XPO1: variants seen among roughly 807,000 people sequenced by gnomAD.
XPO1 encodes the protein exportin 1.
In XPO1, 5 loss-of-function variants were observed where a neutral mutation model predicts 133.3. That is an observed-to-expected ratio of 0.04 (90% confidence interval 0.02 to 0.08). XPO1 has a LOEUF of 0.08. Among genes scored for constraint, XPO1 ranks in the 10% least tolerant of loss-of-function variants. The pLI is 1.00. For synonymous variants in XPO1, 419 were observed against 408.2 expected, an observed-to-expected ratio of 1.03 and a Z score of -0.32; for missense variants, 506 against 1,267.5, an observed-to-expected ratio of 0.40 and a Z score of 9.12.
Position 61,490,419 on chromosome 2 carries a change from G to A in XPO1, c.2022+223C>T, listed in dbSNP as rs369233779. 7.3e-5 allele frequency among the ~76,000 whole-genome samples: 11 copies of A among 150,408 alleles called. No homozygotes were observed. The East Asian group carries it at 1.2e-3, about 16-fold the overall frequency. On this transcript the variant is annotated intron_variant, in intron 17 of 24. Transcript: ENST00000401558. ...TTGCCATGTTGGCCAGGCTGATCTC[G>A]AACTTCTGGCCTCAGGTGATCCGCC...
At chr2:61,531,360 C>CA (rs941136149) in intron 2 of XPO1, among the ~76,000 whole-genome samples, 2 of 152,064 alleles carry the variant, frequency 1.3e-5, no homozygotes, top group African/African-American at 4.8e-5. Context: ...TCCTTACAAA[C>CA]AAAAAAATTT....
intron 2 of XPO1, among the ~76,000 whole-genome samples, chr2:61,528,698 A>G (rs571886778): frequency 1.4e-5 from 2 of 142,608 alleles, no homozygotes; most frequent in South Asian, 4.4e-4. Flanking sequence ...TTTTCATTTG[A>G]CAGTTTTTAA....
At chr2:61,491,492 ACACAC>A (rs1696990412) in intron 16 of XPO1, among the ~76,000 whole-genome samples, 1 of 128,214 alleles carries the variant, frequency 7.8e-6, no homozygotes, top group African/African-American at 2.7e-5. Context: ...ACACACACAC[ACACAC>A]CCCAAAACAA....
At chr2:61,520,384 T>C (rs1283879268) in intron 4 of XPO1, among the ~76,000 whole-genome samples, 1 of 152,130 alleles carries the variant, frequency 6.6e-6, no homozygotes, top group Non-Finnish European at 1.5e-5. Context: ...TGGTGGCTCA[T>C]GCTTACAATC....
chr2:61,534,366 TA>T (rs1462542601), intron 1 of XPO1: 1 of 152,372 alleles, frequency 6.6e-6, no homozygotes, highest in Non-Finnish European at 1.5e-5. Context: ...CACATTATCT[TA>T]ACTTTATAAA....
At chr2:61,495,414 G>T (rs772597708) in intron 11 of XPO1, 41 bp downstream of exon 11, 8 of 1,470,056 alleles carry the variant, frequency 5.4e-6, no homozygotes, top group Middle Eastern at 3.8e-4. Flanking sequence ...TTATTAGTAG[G>T]CAGAGCAGAA....
At chr2:61,526,197 C>A in intron 3 of XPO1, 3 of 1,327,172 alleles carry the variant, frequency 2.3e-6, no homozygotes, top group Non-Finnish European at 2.9e-6. Flanking sequence ...ATCAGACAAC[C>A]AAAAAAGCCA....
Position 61,537,684 on chromosome 2 carries a change from TAAA to T in XPO1, c.-132_-130del. 6.8e-6 allele frequency: 1 copy of T among 147,548 alleles called. No homozygotes were observed. The highest frequency in any genetic ancestry group is 2.0e-4 in the East Asian group (1 of 5,118). The allele number at this position is 147,548 out of a possible 1,614,324, so 9.1% of individuals were successfully genotyped here. A position where few individuals can be genotyped will look rare whatever the true frequency, so the allele number is the denominator to read the frequency against. Reference sequence around the variant, plus strand: ...GTTTTCCCACCTCAAAAAAGGAAATTAAAAAAACGGACAGGAAAAGGGCAAAAA... The same window carrying T: ...GTTTTCCCACCTCAAAAAAGGAAATTAAAACGGACAGGAAAAGGGCAAAAA... On this transcript the variant is annotated 5_prime_UTR_variant, in exon 1 of 25. Transcript: ENST00000401558.
intron 23 of XPO1, among the ~76,000 whole-genome samples, chr2:61,482,087 A>G (rs1420038738): frequency 6.4e-5 from 1 of 15,656 alleles, no homozygotes; most frequent in Non-Finnish European, 1.0e-4. Flanking sequence ...GTCTCACTCT[A>G]TCACCCAGGC....
chr2:61,488,634 T>C lies in XPO1; in HGVS notation c.2160A>G (p.Val720=), dbSNP rs1170159322. ...AAATATTTTCACTGAGGCACTTGTA[T>C]ACATTAAGCATATCTAAATAAATTC... is the stretch of plus-strand genomic sequence containing the variant. ...LGRIYLDMLN[V]YKCLSENISA... is the part of the protein sequence containing the mutation. Residue 720 remains valine (V), a synonymous_variant, in exon 18 of 25, where the codon GTA becomes GTG. Coordinates refer to ENST00000401558, the MANE Select transcript of XPO1 (RefSeq NM_003400.4). 1.2e-6 allele frequency: 2 copies of C among 1,613,512 alleles called. No individual in the cohort carries two copies. Among genetic ancestry groups the C allele is most frequent in the Admixed American group, 1.7e-5 (1 of 59,926 alleles).
At chr2:61,483,160 TATC>T in intron 21 of XPO1, 69 bp from the exon 22 acceptor site, 1 of 1,506,282 alleles carries the variant, frequency 6.6e-7, no homozygotes, top group Non-Finnish European at 8.9e-7. Flanking sequence ...ATTTAGCTCT[TATC>T]AAAGTATTCT....
At chr2:61,482,655 G>A (rs1340438718) in intron 22 of XPO1, 116 bp from the exon 23 acceptor site, 5 of 1,017,718 alleles carry the variant, frequency 4.9e-6, no homozygotes, top group Non-Finnish European at 6.9e-6. Flanking sequence ...ACCCAAGCTG[G>A]AATGCCGTGG....
chr2:61,505,316 A>C (rs531492933), intron 4 of XPO1, among the ~76,000 whole-genome samples: 1 of 152,334 alleles, frequency 6.6e-6, no homozygotes, highest in East Asian at 1.9e-4. Context: ...AAAAACAAAA[A>C]GTAGGAAATC....
Position 61,496,121 on chromosome 2 carries a change from T to C in XPO1, c.889-508A>G, listed in dbSNP as rs143536373. Among the ~76,000 whole-genome samples, 1,409 of 152,286 alleles carry C rather than the reference T, an allele frequency of 9.3e-3. 23 individuals carry two copies. Among genetic ancestry groups the C allele is most frequent in the African/African-American group, 0.032 (1,348 of 41,556 alleles). ...AAATTAAAGGCCGCTATCACAGCCT[T>C]TAAATTTTTCTAGTATTTCTCACTG... On this transcript the variant is annotated intron_variant, in intron 10 of 24. Coordinates refer to ENST00000401558, the MANE Select transcript of XPO1 (RefSeq NM_003400.4).
intron 11 of XPO1, among the ~76,000 whole-genome samples, chr2:61,495,143 G>A (rs1013553991): frequency 2.0e-5 from 3 of 151,978 alleles, no homozygotes; most frequent in African/African-American, 7.3e-5. Context: ...ATCTTTAAAT[G>A]AACAAATGCA....
At chr2:61,481,020 TG>T (rs1234006841) in intron 24 of XPO1, among the ~76,000 whole-genome samples, 164 bp downstream of exon 24, 2 of 152,364 alleles carry the variant, frequency 1.3e-5, no homozygotes, top group East Asian at 3.9e-4. Flanking sequence ...AGTTTTTCAC[TG>T]TATTACCAGT....
intron 4 of XPO1, among the ~76,000 whole-genome samples, chr2:61,504,153 G>A (rs1372420663): frequency 6.6e-6 from 1 of 152,184 alleles, no homozygotes; most frequent in African/African-American, 2.4e-5. Context: ...TTAAAAAAAA[G>A]AGGGAAGTTT....
At chr2:61,491,521 A>C (rs1458975616) in intron 16 of XPO1, among the ~76,000 whole-genome samples, 1 of 151,300 alleles carries the variant, frequency 6.6e-6, no homozygotes, top group Non-Finnish European at 1.5e-5. Flanking sequence ...AAAACAAAAA[A>C]CACCTGATTT....
At position 61,488,178 on chromosome 2, in the gene XPO1, T is replaced by C. The variant is rs146348437; in HGVS notation, c.2300A>G (p.Asn767Ser). Residue 767 changes from asparagine (N) to serine (S), a missense_variant, in exon 19 of 25, where the codon AAT (asparagine) becomes AGT (serine). By Grantham distance (46) the Asn-to-Ser change is conservative. Coordinates refer to ENST00000401558, the MANE Select transcript of XPO1 (RefSeq NM_003400.4). Reference protein sequence around the residue: ...KLISGWVSRSNDPQMVAENFV... With the variant: ...KLISGWVSRSSDPQMVAENFV... ...TCTCTCACTTACCATCTGTGGATCATTGGATCGGCTCACCCAACCAGATAT... is the reference window on the plus strand; with the variant it reads ...TCTCTCACTTACCATCTGTGGATCACTGGATCGGCTCACCCAACCAGATAT... 1.7e-4 allele frequency: 280 copies of C among 1,613,958 alleles called. 1 individual carries two copies. Among genetic ancestry groups the C allele is most frequent in the Non-Finnish European group, 2.1e-4 (253 of 1,179,900 alleles).
Sources: gnomAD v4.1 joint callset for allele counts (sites outside exome capture counted in the v4.1 genomes callset) on GRCh38, gnomAD v4.1.1 for gene constraint, MANE v1.5 for transcripts, NCBI Gene and HGNC (gene_info 2026-07-23, HGNC 2026-07-21) for gene names.